Variants in BPNT2 observed in about 807,000 individuals in gnomAD.
BPNT2 encodes the protein Golgi-resident adenosine 3',5'-bisphosphate 3'-phosphatase.
Under a neutral mutation model 29.3 loss-of-function variants are expected in BPNT2, and 11 were observed. The ratio of observed to expected loss-of-function variants is 0.38; its 90% CI spans 0.24 to 0.62. The LOEUF is 0.62. BPNT2 is among the 20% of genes least tolerant of loss of function. The pLI is 0.62. For missense variants in BPNT2, 459 were observed against 473.4 expected, an observed-to-expected ratio of 0.97 and a Z score of 0.28; for synonymous variants, 195 against 187.7, an observed-to-expected ratio of 1.04 and a Z score of -0.32.
In BPNT2 at chr8:56,961,432, TAAA is replaced by T. The variant is rs531553462; in HGVS notation, c.*2358_*2360del. On this transcript the variant is annotated 3_prime_UTR_variant, in exon 5 of 5. Transcript: ENST00000262644. Reference sequence around the variant, plus strand: ...AAAATGAACTTTTTATAAAAGTACTTAAAAAAAATCATTAGTAACTAGACTATA... The same window carrying T: ...AAAATGAACTTTTTATAAAAGTACTTAAAAATCATTAGTAACTAGACTATA... The T allele has an allele frequency of 2.6e-5, 4 of 151,894 alleles. No individual in the cohort carries two copies. Among genetic ancestry groups the T allele is most frequent in the African/African-American group, 9.7e-5 (4 of 41,332 alleles). The allele number at this position is 151,894 out of a possible 1,614,324, so 9.4% of individuals were successfully genotyped here. A position where few individuals can be genotyped will look rare whatever the true frequency, so the allele number is the denominator to read the frequency against.
At chr8:56,979,246 T>C (rs1242858475) in intron 2 of BPNT2, among the ~76,000 whole-genome samples, 1 of 152,174 alleles carries the variant, frequency 6.6e-6, no homozygotes. Flanking sequence ...CATCTTTAGG[T>C]ATAAATTAAC....
intron 3 of BPNT2, among the ~76,000 whole-genome samples, chr8:56,977,827 G>C (rs1806169234): frequency 6.6e-6 from 1 of 152,122 alleles, no homozygotes; most frequent in African/African-American, 2.4e-5. Flanking sequence ...AAACAAAAAA[G>C]ATACTCCCTT....
chr8:56,989,212 A>G (rs1806372404), intron 1 of BPNT2, among the ~76,000 whole-genome samples: 1 of 132,068 alleles, frequency 7.6e-6, no homozygotes, highest in Non-Finnish European at 1.7e-5. Flanking sequence ...TCTCTACTAA[A>G]AATACAAAAA....
chr8:56,963,687 C>G lies in BPNT2; in HGVS notation c.*106G>C. 2 of 1,289,660 alleles carry G rather than the reference C, an allele frequency of 1.6e-6. No homozygotes were observed. The highest frequency in any genetic ancestry group is 2.2e-6 in the Non-Finnish European group (2 of 899,946). 79.9% of individuals were successfully genotyped at this position (1,289,660 alleles called of 1,614,324 possible). A position where few individuals can be genotyped will look rare whatever the true frequency, so the allele number is the denominator to read the frequency against. ...TGCTTCATAAATACTTTAAAAAGTTCGGGATGGCCTTAACCATGCATAGTC... is the reference window on the plus strand; with the variant it reads ...TGCTTCATAAATACTTTAAAAAGTTGGGGATGGCCTTAACCATGCATAGTC... On this transcript the variant is annotated 3_prime_UTR_variant, in exon 5 of 5. Transcript: ENST00000262644.
intron 3 of BPNT2, among the ~76,000 whole-genome samples, chr8:56,968,397 A>T (rs918593175): frequency 6.6e-6 from 1 of 151,942 alleles, no homozygotes; most frequent in Non-Finnish European, 1.5e-5. Flanking sequence ...ATTAAAAAAA[A>T]AAAAAACAAA....
chr8:56,989,623 T>C (rs1055024169), intron 1 of BPNT2, among the ~76,000 whole-genome samples: 5 of 152,182 alleles, frequency 3.3e-5, no homozygotes, highest in African/African-American at 7.2e-5. Context: ...ATCTCTCCCA[T>C]GGCCTGTTTT....
intron 3 of BPNT2, among the ~76,000 whole-genome samples, chr8:56,973,340 G>C (rs1002560588): frequency 6.6e-6 from 1 of 152,116 alleles, no homozygotes; most frequent in African/African-American, 2.4e-5. Flanking sequence ...GTACTCTATG[G>C]AAAGGACTGT....
At chr8:56,988,484 A>C (rs756291566) in intron 1 of BPNT2, among the ~76,000 whole-genome samples, 1 of 152,236 alleles carries the variant, frequency 6.6e-6, no homozygotes, top group Non-Finnish European at 1.5e-5. Context: ...AAGGTAAAAC[A>C]AACTTAGTAC....
At position 56,964,073 on chromosome 8, in the gene BPNT2, TAAAC is replaced by T. The variant is rs1308578335; in HGVS notation, c.809-13_809-10del. The T allele has an allele frequency of 1.9e-6, 3 of 1,562,658 alleles. No individual in the cohort carries two copies. The highest frequency in any genetic ancestry group is 4.7e-5 in the East Asian group (2 of 42,644). On this transcript the variant is annotated splice_polypyrimidine_tract_variant and intron_variant, in intron 4 of 4. Transcript: ENST00000262644. ...TGCTAAAACTTTATAACCTAAAAGA[TAAAC>T]AAAGAATTTAGGTTATTATTCAAAA... is the stretch of plus-strand genomic sequence containing the variant.
intron 1 of BPNT2, among the ~76,000 whole-genome samples, chr8:56,981,427 T>C (rs1405130209): frequency 7.2e-5 from 11 of 152,066 alleles, no homozygotes; most frequent in Non-Finnish European, 1.6e-4. Flanking sequence ...TAGCCAGGCA[T>C]GGTGGTGCGT....
At chr8:56,984,533 C>T (rs1190959180) in intron 1 of BPNT2, among the ~76,000 whole-genome samples, 1 of 152,142 alleles carries the variant, frequency 6.6e-6, no homozygotes, top group African/African-American at 2.4e-5. Flanking sequence ...TTTAGGCCAC[C>T]ATCTCTCACC....
intron 3 of BPNT2, among the ~76,000 whole-genome samples, chr8:56,970,104 T>C (rs867313315): frequency 6.6e-6 from 1 of 152,164 alleles, no homozygotes; most frequent in Admixed American, 6.6e-5. Flanking sequence ...AAAACTATTA[T>C]GCAAAAGGTT....
At chr8:56,985,974 C>T (rs1404623783) in intron 1 of BPNT2, among the ~76,000 whole-genome samples, 2 of 152,234 alleles carry the variant, frequency 1.3e-5, no homozygotes, top group Non-Finnish European at 2.9e-5. Context: ...TCTTTCCCTG[C>T]TATGTTGACA....
At chr8:56,968,387 A>AT (rs560597577) in intron 3 of BPNT2, among the ~76,000 whole-genome samples, 60 of 149,222 alleles carry the variant, frequency 4.0e-4, no homozygotes, top group Admixed American at 1.3e-3. Flanking sequence ...AAAGTGATAG[A>AT]TTAAAAAAAA....
intron 3 of BPNT2, among the ~76,000 whole-genome samples, chr8:56,973,425 C>T (rs1389929424): frequency 6.6e-6 from 1 of 152,190 alleles, no homozygotes; most frequent in African/African-American, 2.4e-5. Context: ...AAAGATGCCA[C>T]TGTTATAGAA....
At position 56,963,771 on chromosome 8, in the gene BPNT2, T is replaced by A. The variant is rs762476811; in HGVS notation, c.*22A>T. ...GCTAACCATTTCAGCTGTGAAGAACTGTACCCTGTAATCAGTTATGCTCAT... is the reference window on the plus strand; with the variant it reads ...GCTAACCATTTCAGCTGTGAAGAACAGTACCCTGTAATCAGTTATGCTCAT... On this transcript the variant is annotated 3_prime_UTR_variant, in exon 5 of 5. Transcript: ENST00000262644. 2.5e-6 allele frequency: 4 copies of A among 1,613,846 alleles called. No individual in the cohort carries two copies. Among genetic ancestry groups the A allele is most frequent in the Non-Finnish European group, 1.7e-6 (2 of 1,179,762 alleles).
intron 1 of BPNT2, among the ~76,000 whole-genome samples, chr8:56,981,220 T>C (rs144237455): frequency 2.0e-5 from 3 of 152,310 alleles, no homozygotes; most frequent in East Asian, 3.9e-4. Flanking sequence ...TTTTCAACAG[T>C]GTGCTTCTTA....
At chr8:56,966,164 A>G in intron 4 of BPNT2, 27 bp downstream of exon 4, 1 of 1,612,820 alleles carries the variant, frequency 6.2e-7, no homozygotes. Flanking sequence ...AACATTCTCC[A>G]GGGACCACAC....
chr8:56,986,924 TAAGAC>T (rs1337692636), intron 1 of BPNT2, among the ~76,000 whole-genome samples: 1 of 152,172 alleles, frequency 6.6e-6, no homozygotes, highest in Non-Finnish European at 1.5e-5. Flanking sequence ...CAAAGGTTCT[TAAGAC>T]AAGTTTGTCT....
Sources: allele counts gnomAD v4.1 joint callset (sites outside exome capture counted in the v4.1 genomes callset), GRCh38; gene constraint gnomAD v4.1.1; transcripts MANE v1.5; gene names NCBI Gene and HGNC (gene_info 2026-07-23, HGNC 2026-07-21).